RBFOX1: variants seen among roughly 807,000 people sequenced by gnomAD.
RBFOX1 encodes RNA binding protein fox-1 homolog 1.
A neutral mutation model predicts 57.7 loss-of-function variants in RBFOX1; 8 were observed. That is an observed-to-expected ratio of 0.14 (90% CI 0.08 to 0.25). The LOEUF (loss-of-function observed/expected upper bound fraction) is 0.25, where lower values mean the gene tolerates loss of function less well. RBFOX1 is among the 10% of genes least tolerant of loss of function. RBFOX1 has a pLI of 1.00. For synonymous variants in RBFOX1, 326 were observed against 222.4 expected, an observed-to-expected ratio of 1.47 and a Z score of -4.15; for missense variants, 611 against 548.5, an observed-to-expected ratio of 1.11 and a Z score of -1.14.
chr16:6,574,562 G>C (rs1474088612), intron 2 of RBFOX1, among the ~76,000 whole-genome samples: 1 of 149,780 alleles, frequency 6.7e-6, no homozygotes, highest in Non-Finnish European at 1.5e-5. Context: ...CCAAGTAGCT[G>C]GGACTACAGG....
At chr16:7,644,712 T>C (rs2063428308) in intron 11 of RBFOX1, among the ~76,000 whole-genome samples, 1 of 152,200 alleles carries the variant, frequency 6.6e-6, no homozygotes, top group Non-Finnish European at 1.5e-5. Context: ...CCTCAGGACA[T>C]CCCTATAGAG....
chr16:6,214,759 GAGA>G (rs1357019927), intron 1 of RBFOX1, among the ~76,000 whole-genome samples: 1 of 115,832 alleles, frequency 8.6e-6, no homozygotes, highest in Non-Finnish European at 1.8e-5. Context: ...GAAGGGGAGA[GAGA>G]AGGAGAGAGA....
intron 3 of RBFOX1, among the ~76,000 whole-genome samples, chr16:5,794,152 G>C (rs538353180): frequency 6.6e-6 from 1 of 152,094 alleles, no homozygotes; most frequent in African/African-American, 2.4e-5. Context: ...TTCTTTATCC[G>C]TAAAGTGAGC....
chr16:6,501,664 GCTC>G (rs1219243046), intron 2 of RBFOX1, among the ~76,000 whole-genome samples: 3 of 152,050 alleles, frequency 2.0e-5, no homozygotes, highest in Admixed American at 6.5e-5. Context: ...ATAGACAAGG[GCTC>G]CTTCTCCTGA....
chr16:5,558,015 C>T lies in RBFOX1; in HGVS notation c.259-40887C>T, dbSNP rs189321898. Among the ~76,000 whole-genome samples, 788 of 152,302 alleles carry T rather than the reference C, an allele frequency of 5.2e-3. 2 individuals are homozygous for T. The highest frequency in any genetic ancestry group is 0.012 in the African/African-American group (495 of 41,582). On this transcript the variant is annotated intron_variant, in intron 2 of 2. Coordinates refer to the RBFOX1 transcript ENST00000585867. ...TGGTGGTCAGAGACTCGCCACTGGG[C>T]GGCCCAACTCCGGGGGAGGACTGCC...
chr16:5,454,944 T>C (rs1567535717), intron 1 of RBFOX1, among the ~76,000 whole-genome samples: 3 of 52,642 alleles, frequency 5.7e-5, no homozygotes, highest in African/African-American at 2.0e-4. Context: ...CCTTCCTTCC[T>C]TCCTTCCTTC....
At chr16:5,632,016 G>C (rs751524009) in intron 3 of RBFOX1, among the ~76,000 whole-genome samples, 2 of 152,146 alleles carry the variant, frequency 1.3e-5, no homozygotes, top group Non-Finnish European at 2.9e-5. Context: ...TCTCACAGGA[G>C]GATTGGATGT....
intron 1 of RBFOX1, among the ~76,000 whole-genome samples, chr16:5,370,896 T>G (rs184633884): frequency 5.2e-4 from 79 of 152,362 alleles, no homozygotes; most frequent in African/African-American, 1.8e-3. Context: ...CCTGTTGTTA[T>G]GAACTGAGCA....
chr16:7,478,983 A>G (rs1221194082), intron 4 of RBFOX1, among the ~76,000 whole-genome samples: 1 of 152,124 alleles, frequency 6.6e-6, no homozygotes, highest in Non-Finnish European at 1.5e-5. Context: ...CTCTGCAGAT[A>G]CAATCTCACT....
chr16:6,585,997 G>C (rs2097607990), intron 2 of RBFOX1, among the ~76,000 whole-genome samples: 1 of 152,136 alleles, frequency 6.6e-6, no homozygotes, highest in African/African-American at 2.4e-5. Context: ...AATACATGTT[G>C]CCCAATAAGT....
chr16:5,332,622 A>T (rs533256996), intron 1 of RBFOX1, among the ~76,000 whole-genome samples: 9 of 149,778 alleles, frequency 6.0e-5, no homozygotes, highest in African/African-American at 2.2e-4. Flanking sequence ...ATATATTACA[A>T]TTACATATCG....
chr16:5,734,708 T>C (rs1339464837), intron 3 of RBFOX1, among the ~76,000 whole-genome samples: 2 of 152,310 alleles, frequency 1.3e-5, no homozygotes, highest in East Asian at 1.9e-4. Context: ...AGCTCTCAGA[T>C]GACTTTACAT....
chr16:6,642,158 A>G (rs911153511), intron 2 of RBFOX1, among the ~76,000 whole-genome samples: 15 of 152,202 alleles, frequency 9.9e-5, no homozygotes, highest in Admixed American at 2.0e-4. Context: ...GGCAGGCGAC[A>G]AACCCAGGCT....
intron 2 of RBFOX1, among the ~76,000 whole-genome samples, chr16:5,558,900 G>A (rs1331976830): frequency 1.3e-5 from 2 of 152,148 alleles, no homozygotes; most frequent in East Asian, 1.9e-4. Flanking sequence ...AAAATGTGCA[G>A]TGTCTGGGAC....
chr16:6,634,214 C>G (rs1461273802), intron 2 of RBFOX1, among the ~76,000 whole-genome samples: 1 of 152,120 alleles, frequency 6.6e-6, no homozygotes, highest in Non-Finnish European at 1.5e-5. Flanking sequence ...GTTGTGTGCT[C>G]ATTCACTCTT....
intron 4 of RBFOX1, among the ~76,000 whole-genome samples, chr16:7,353,301 G>T (rs565962315): frequency 6.6e-6 from 1 of 152,210 alleles, no homozygotes; most frequent in South Asian, 2.1e-4. Flanking sequence ...TAATAAAAAA[G>T]ATAGACAGCA....
chr16:5,967,630 G>C (rs551781061), intron 4 of RBFOX1, among the ~76,000 whole-genome samples: 2 of 152,254 alleles, frequency 1.3e-5, no homozygotes, highest in Admixed American at 6.5e-5. Flanking sequence ...TCCAATCCAT[G>C]TTTTACACTT....
rs138732071 is a variant in RBFOX1, at chr16:5,724,219, C to T, written c.318+125258C>T. On this transcript the variant is annotated intron_variant, in intron 3 of 19. Transcript: ENST00000641259. Reference sequence around the variant, plus strand: ...TTGGAGCAGTGTCCTGAGCAAAGACCCAAGGGCTGGAAAGGCCCCAAAATA... The same window carrying T: ...TTGGAGCAGTGTCCTGAGCAAAGACTCAAGGGCTGGAAAGGCCCCAAAATA... Among the ~76,000 whole-genome samples, 297 of 152,234 alleles carry T rather than the reference C, an allele frequency of 2.0e-3. 8 individuals carry two copies. In the East Asian group the frequency reaches 0.055, roughly 28 times the overall value.
chr16:6,982,713 C>T (rs1240926473), intron 3 of RBFOX1, among the ~76,000 whole-genome samples: 1 of 152,108 alleles, frequency 6.6e-6, no homozygotes, highest in East Asian at 1.9e-4. Context: ...GTGGAACTGG[C>T]CAGGTGCAGT....
Sources: allele counts gnomAD v4.1 joint callset (sites outside exome capture counted in the v4.1 genomes callset), GRCh38; gene constraint gnomAD v4.1.1; transcripts MANE v1.5; gene names NCBI Gene and HGNC (gene_info 2026-07-23, HGNC 2026-07-21).